Variants in PRR16 observed in about 807,000 individuals in gnomAD.
The protein encoded by PRR16 is protein Largen.
PRR16 carries 6 observed loss-of-function variants against 18.2 expected under a neutral mutation model. That is an observed-to-expected ratio of 0.33 (90% CI 0.18 to 0.65). The LOEUF is 0.65. Among genes scored for constraint, PRR16 ranks in the 30% least tolerant of loss-of-function variants. The pLI is 0.74. For synonymous variants in PRR16, 151 were observed against 147.8 expected, an observed-to-expected ratio of 1.02 and a Z score of -0.16; for missense variants, 412 against 376.6, an observed-to-expected ratio of 1.09 and a Z score of -0.78.
chr5:120,739,627 A>G, the PRR16 span, among the ~76,000 whole-genome samples: 1 of 152,178 alleles, frequency 6.6e-6, no homozygotes, highest in Non-Finnish European at 1.5e-5. Flanking sequence ...TAGGACGTCA[A>G]CAACCCTAAA....
intron 1 of PRR16, among the ~76,000 whole-genome samples, chr5:120,515,232 A>G (rs968265523): frequency 6.6e-6 from 1 of 152,124 alleles, no homozygotes; most frequent in Non-Finnish European, 1.5e-5. Context: ...CACTTTCATG[A>G]TAAACCCACC....
chr5:120,749,349 T>C, the PRR16 span, among the ~76,000 whole-genome samples: 2 of 152,136 alleles, frequency 1.3e-5, no homozygotes, highest in East Asian at 3.8e-4. Context: ...AATTGTTATG[T>C]TAGGAGTTTG....
At chr5:120,705,373 T>A in the PRR16 span, among the ~76,000 whole-genome samples, 1 of 152,118 alleles carries the variant, frequency 6.6e-6, no homozygotes, top group Non-Finnish European at 1.5e-5. Flanking sequence ...TATATCATGT[T>A]GACAAATTTT....
At chr5:120,753,370 A>T in the PRR16 span, among the ~76,000 whole-genome samples, 2 of 151,996 alleles carry the variant, frequency 1.3e-5, no homozygotes, top group Non-Finnish European at 2.9e-5. Context: ...TTACCATTCA[A>T]GTAAGAGGAA....
chr5:120,650,854 T>G (rs374148962), intron 1 of PRR16, among the ~76,000 whole-genome samples: 6 of 152,084 alleles, frequency 3.9e-5, no homozygotes, highest in Middle Eastern at 6.8e-3. Context: ...GTAAAGGGAT[T>G]GCTGGGTCAA....
In PRR16 at chr5:120,617,644, A is replaced by G. The variant is rs144022909; in HGVS notation, c.160-68310A>G. Among the ~76,000 whole-genome samples, 64 of 152,306 alleles carry G rather than the reference A, an allele frequency of 4.2e-4. No individual in the cohort carries two copies. The East Asian group carries it at 0.011, about 26-fold the overall frequency. On this transcript the variant is annotated intron_variant, in intron 1 of 1. Transcript: ENST00000407149. ...ACATTTTGATAAGTTATCTTTATAT[A>G]TGTCAATTGTAGGAAATTAATTTTA...
At chr5:120,545,258 A>C (rs1392421060) in intron 1 of PRR16, among the ~76,000 whole-genome samples, 2 of 152,142 alleles carry the variant, frequency 1.3e-5, no homozygotes, top group African/African-American at 4.8e-5. Flanking sequence ...TTTCTGGCAA[A>C]TAAAATTAGA....
intron 1 of PRR16, among the ~76,000 whole-genome samples, chr5:120,663,439 A>G (rs1756245547): frequency 7.0e-6 from 1 of 142,566 alleles, no homozygotes; most frequent in South Asian, 2.3e-4. Flanking sequence ...AAGGTTGAAC[A>G]GGATACAAAA....
At chr5:120,762,034 G>A in the PRR16 span, among the ~76,000 whole-genome samples, 1 of 152,062 alleles carries the variant, frequency 6.6e-6, no homozygotes, top group African/African-American at 2.4e-5. Context: ...GCATGTTACT[G>A]AAAGTGACAG....
Position 120,515,525 on chromosome 5 carries a change from T to G in PRR16, c.159+50880T>G, listed in dbSNP as rs144209514. ...AAGGGATGATGGGAACTTTGTAAAA[T>G]GTAACTGAGCATGGCACCTTTCCTT... On this transcript the variant is annotated intron_variant, in intron 1 of 1. Coordinates refer to ENST00000407149, the MANE Select transcript of PRR16 (RefSeq NM_001300783.2). 2.6e-5 allele frequency among the ~76,000 whole-genome samples: 4 copies of G among 152,212 alleles called. No homozygotes were observed. In the East Asian group the frequency reaches 7.7e-4, roughly 29 times the overall value.
chr5:120,519,776 C>T (rs1225797239), intron 1 of PRR16, among the ~76,000 whole-genome samples: 3 of 151,850 alleles, frequency 2.0e-5, no homozygotes, highest in Admixed American at 6.6e-5. Context: ...AAAATATGTG[C>T]CAGATATTTT....
chr5:120,716,325 CCTCTTTTGTTTTTA>C, the PRR16 span, among the ~76,000 whole-genome samples: 4 of 152,122 alleles, frequency 2.6e-5, no homozygotes, highest in African/African-American at 9.7e-5. Context: ...GTGAATTCCA[CCTCTTTTGTTTTTA>C]ACTCTTCTCA....
At chr5:120,500,868 C>A (rs370179062) in intron 1 of PRR16, among the ~76,000 whole-genome samples, 64 of 151,974 alleles carry the variant, frequency 4.2e-4, no homozygotes, top group African/African-American at 1.4e-3. Context: ...CTTGCTATAT[C>A]CTATAAATTT....
chr5:120,561,999 C>T (rs10069225), intron 1 of PRR16, among the ~76,000 whole-genome samples: 33,610 of 151,868 alleles, frequency 0.22, 3,908 homozygotes, highest in Non-Finnish European at 0.23. Context: ...TATTGTTTTT[C>T]TCTAGAGTGC....
intron 1 of PRR16, among the ~76,000 whole-genome samples, chr5:120,589,857 G>A (rs979461652): frequency 3.3e-5 from 5 of 152,006 alleles, no homozygotes; most frequent in Non-Finnish European, 7.4e-5. Context: ...ACCATATCAG[G>A]CATTAGTCCT....
At chr5:120,574,958 A>G (rs1753025625) in intron 1 of PRR16, among the ~76,000 whole-genome samples, 1 of 148,772 alleles carries the variant, frequency 6.7e-6, no homozygotes, top group African/African-American at 2.6e-5. Context: ...TCAGTTACCC[A>G]TGGTCATCCA....
rs114006750 is a variant in PRR16 at position 120,550,927 on chromosome 5, T to C, written c.159+86282T>C. On this transcript the variant is annotated intron_variant, in intron 1 of 1. Transcript: ENST00000407149. ...TTTACTAAGTATACCTGACAAAAAA[T>C]TGTATATATTCAAAGTATACAATGT... Among the ~76,000 whole-genome samples the C allele has an allele frequency of 8.5e-3, 1,297 of 152,102 alleles. 16 individuals are homozygous for C. The highest frequency in any genetic ancestry group is 0.03 in the African/African-American group (1,229 of 41,540).
At chr5:120,643,287 A>G in intron 1 of PRR16, among the ~76,000 whole-genome samples, 1 of 151,998 alleles carries the variant, frequency 6.6e-6, no homozygotes, top group African/African-American at 2.4e-5. Flanking sequence ...CTATTTTATT[A>G]TGAGTTAAGT....
At chr5:120,651,305 T>C (rs1221252531) in intron 1 of PRR16, among the ~76,000 whole-genome samples, 1 of 152,198 alleles carries the variant, frequency 6.6e-6, no homozygotes, top group Non-Finnish European at 1.5e-5. Flanking sequence ...GGTAGTTTCT[T>C]TTGCTGTGCA....
Sources: allele counts gnomAD v4.1 joint callset (sites outside exome capture counted in the v4.1 genomes callset), GRCh38; gene constraint gnomAD v4.1.1; transcripts MANE v1.5; gene names NCBI Gene and HGNC (gene_info 2026-07-23, HGNC 2026-07-21).